Variants in ZNF385D observed in about 807,000 individuals in gnomAD.
ZNF385D encodes the protein zinc finger protein 385D, also known as zinc finger protein 659.
In ZNF385D, 15 loss-of-function variants were observed where a neutral mutation model predicts 35.8. The observed-to-expected ratio is 0.42, with a 90% confidence interval of 0.28 to 0.64. The LOEUF (loss-of-function observed/expected upper bound fraction) is 0.64. Ranked by LOEUF, ZNF385D falls within the 30% of genes least tolerant of loss-of-function variation. ZNF385D has a pLI of 0.23. For missense variants in ZNF385D, 474 were observed against 494.6 expected (o/e 0.96, Z 0.39); for synonymous variants, 212 against 186.8 (o/e 1.13, Z -1.10).
intron 3 of ZNF385D, among the ~76,000 whole-genome samples, chr3:21,924,552 A>G (rs945881144): frequency 8.5e-5 from 13 of 152,196 alleles, no homozygotes; most frequent in Non-Finnish European, 1.8e-4. Flanking sequence ...AAAAGGCTGT[A>G]TATGGATCCT....
At chr3:22,079,645 A>G (rs1700646729) in intron 3 of ZNF385D, among the ~76,000 whole-genome samples, 1 of 152,072 alleles carries the variant, frequency 6.6e-6, no homozygotes, top group Non-Finnish European at 1.5e-5. Flanking sequence ...ACTGCACTAA[A>G]GAAGATTATT....
chr3:22,063,649 T>C (rs994309095), intron 3 of ZNF385D, among the ~76,000 whole-genome samples: 1 of 152,190 alleles, frequency 6.6e-6, no homozygotes, highest in African/African-American at 2.4e-5. Flanking sequence ...GAAGGATTCA[T>C]GCCCCAGCTG....
intron 3 of ZNF385D, among the ~76,000 whole-genome samples, chr3:21,782,890 A>G (rs1000371874): frequency 7.9e-5 from 12 of 152,244 alleles, no homozygotes; most frequent in Admixed American, 5.9e-4. Context: ...TAACCTGGTT[A>G]TATCACATCC....
At chr3:22,062,095 T>C (rs759498262) in intron 3 of ZNF385D, among the ~76,000 whole-genome samples, 1 of 152,192 alleles carries the variant, frequency 6.6e-6, no homozygotes, top group Non-Finnish European at 1.5e-5. Context: ...TGGAGTGCAG[T>C]GGCATAATCA....
chr3:22,288,742 T>C (rs1401275664), intron 2 of ZNF385D, among the ~76,000 whole-genome samples: 1 of 152,164 alleles, frequency 6.6e-6, no homozygotes, highest in African/African-American at 2.4e-5. Context: ...AGATTTATCT[T>C]GTTCTTTCAT....
At chr3:21,829,471 G>C (rs936831439) in intron 3 of ZNF385D, among the ~76,000 whole-genome samples, 1 of 152,126 alleles carries the variant, frequency 6.6e-6, no homozygotes, top group East Asian at 1.9e-4. Flanking sequence ...TCAGAGAGAA[G>C]GGATGGGCCC....
At chr3:21,734,260 C>G (rs1575557582) in intron 1 of ZNF385D, among the ~76,000 whole-genome samples, 1 of 142,560 alleles carries the variant, frequency 7.0e-6, no homozygotes, top group Non-Finnish European at 1.5e-5. Flanking sequence ...CCAGACTAGG[C>G]AGTAGGAAAC....
intron 1 of ZNF385D, among the ~76,000 whole-genome samples, chr3:21,670,083 G>T (rs1468067913): frequency 6.6e-6 from 1 of 151,968 alleles, no homozygotes; most frequent in Non-Finnish European, 1.5e-5. Flanking sequence ...AATGATCACG[G>T]ATTGCCACTG....
At chr3:21,936,648 A>G (rs1460742483) in intron 3 of ZNF385D, among the ~76,000 whole-genome samples, 2 of 152,096 alleles carry the variant, frequency 1.3e-5, no homozygotes, top group Non-Finnish European at 2.9e-5. Context: ...CATAAACTTC[A>G]TCTTATTTTA....
At chr3:21,435,844 T>C (rs898403131) in intron 5 of ZNF385D, among the ~76,000 whole-genome samples, 2 of 152,166 alleles carry the variant, frequency 1.3e-5, no homozygotes, top group African/African-American at 4.8e-5. Flanking sequence ...TCATGAACTC[T>C]CTCATTACAA....
At chr3:22,248,676 A>T (rs1384611140) in intron 2 of ZNF385D, among the ~76,000 whole-genome samples, 1 of 152,116 alleles carries the variant, frequency 6.6e-6, no homozygotes, top group African/African-American at 2.4e-5. Context: ...CTACAGGGGA[A>T]ATTAATTCCT....
intron 3 of ZNF385D, among the ~76,000 whole-genome samples, chr3:22,158,729 C>CA (rs974031279): frequency 5.3e-5 from 8 of 151,672 alleles, no homozygotes; most frequent in Admixed American, 1.3e-4. Context: ...GAGAAACAAA[C>CA]AAAAAACACG....
intron 2 of ZNF385D, among the ~76,000 whole-genome samples, chr3:22,181,844 A>G (rs1695301291): frequency 6.6e-6 from 1 of 152,164 alleles, no homozygotes; most frequent in Admixed American, 6.5e-5. Context: ...ATGTTGTCTT[A>G]CATTTCACTT....
chr3:21,818,372 C>A (rs1405158251), intron 3 of ZNF385D, among the ~76,000 whole-genome samples: 1 of 152,136 alleles, frequency 6.6e-6, no homozygotes, highest in Admixed American at 6.5e-5. Context: ...TAAATGCCAT[C>A]TTTTCCCCTG....
intron 3 of ZNF385D, among the ~76,000 whole-genome samples, chr3:21,976,475 G>A (rs1032898002): frequency 1.3e-5 from 2 of 152,148 alleles, no homozygotes; most frequent in Non-Finnish European, 2.9e-5. Context: ...GAGGGACGCA[G>A]CTGAAGATAA....
intron 4 of ZNF385D, among the ~76,000 whole-genome samples, chr3:21,473,324 A>T (rs1243887689): frequency 6.6e-6 from 1 of 151,766 alleles, no homozygotes; most frequent in Non-Finnish European, 1.5e-5. Context: ...TCCCAAATTA[A>T]CTCCCACATA....
intron 2 of ZNF385D, among the ~76,000 whole-genome samples, chr3:22,187,698 A>G (rs1695730484): frequency 6.6e-6 from 1 of 152,162 alleles, no homozygotes; most frequent in African/African-American, 2.4e-5. Context: ...AAATTAGGAA[A>G]TATTATTTTA....
intron 3 of ZNF385D, among the ~76,000 whole-genome samples, chr3:21,897,777 G>A (rs1341462634): frequency 6.6e-6 from 1 of 152,104 alleles, no homozygotes; most frequent in African/African-American, 2.4e-5. Context: ...AGGATTATAT[G>A]CGCAGAACTT....
At chr3:22,000,439 T>C (rs556052395) in intron 3 of ZNF385D, among the ~76,000 whole-genome samples, 21 of 152,248 alleles carry the variant, frequency 1.4e-4, no homozygotes, top group Middle Eastern at 3.4e-3. Context: ...AGTTACCCTA[T>C]ATGGTCTAAA....
Sources: allele counts gnomAD v4.1 joint callset (sites outside exome capture counted in the v4.1 genomes callset), GRCh38; gene constraint gnomAD v4.1.1; transcripts MANE v1.5; gene names NCBI Gene and HGNC (gene_info 2026-07-23, HGNC 2026-07-21).